The following SAMM50 variants were observed in gnomAD, a reference collection of about 807,000 sequenced individuals.
SAMM50 encodes the protein SAMM50 sorting and assembly machinery component.
A neutral mutation model predicts 66.9 loss-of-function variants in SAMM50; 47 were observed. That is an observed-to-expected ratio of 0.70 (90% CI 0.56 to 0.90). SAMM50 has a LOEUF of 0.90. SAMM50 is among the 40% of genes least tolerant of loss of function. The pLI is 0.00. For missense variants in SAMM50, 535 were observed against 595.3 expected (o/e 0.90, Z 1.05); for synonymous variants, 191 against 214.1 (o/e 0.89, Z 0.94).
At chr22:43,978,043 A>G in intron 10 of SAMM50, 85 bp downstream of exon 10, 4 of 902,298 alleles carry the variant, frequency 4.4e-6, no homozygotes, top group African/African-American at 1.6e-5. Context: ...CTGAATATCT[A>G]AAGCACAGAG....
Position 43,963,323 on chromosome 22 carries a change from G to C in SAMM50, c.59G>C (p.Gly20Ala), listed in dbSNP as rs763173401. The C allele has an allele frequency of 6.2e-7, 1 of 1,612,770 alleles. No homozygotes were observed. Among genetic ancestry groups the C allele is most frequent in the Non-Finnish European group, 8.5e-7 (1 of 1,179,742 alleles). The change falls in exon 2 of 15, where the codon GGA becomes GCA. Residue 20 changes from glycine (G) to alanine (A), a missense_variant. Coordinates refer to ENST00000350028, the MANE Select transcript of SAMM50 (RefSeq NM_015380.5). The part of the protein sequence containing the change: ...EPLPSSGPDF[G>A]GLGEEAEFVE... ...CTTCCATCAAGTGGACCTGATTTTGGAGGATTAGGAGAAGAAGCTGAATTT... is the reference window on the plus strand; with the variant it reads ...CTTCCATCAAGTGGACCTGATTTTGCAGGATTAGGAGAAGAAGCTGAATTT...
chr22:43,972,406 C>G, intron 5 of SAMM50, 64 bp downstream of exon 5: 1 of 903,672 alleles, frequency 1.1e-6, no homozygotes, highest in Non-Finnish European at 1.7e-6. Context: ...TACACTATGA[C>G]TGCATTCTAA....
At chr22:43,973,753 A>G (rs998089301) in intron 7 of SAMM50, among the ~76,000 whole-genome samples, 2 of 152,202 alleles carry the variant, frequency 1.3e-5, no homozygotes, top group East Asian at 3.9e-4. Context: ...CTCCTGCCTC[A>G]GCCTCCGTCA....
chr22:43,980,151 T>C (rs1386136310), intron 10 of SAMM50, among the ~76,000 whole-genome samples: 5 of 18,088 alleles, frequency 2.8e-4, no homozygotes, highest in Admixed American at 6.8e-4. Context: ...CATCCATCCA[T>C]CCATCCATCC....
chr22:43,992,789 C>T (rs1247809629), intron 14 of SAMM50, among the ~76,000 whole-genome samples: 1 of 152,256 alleles, frequency 6.6e-6, no homozygotes, highest in Non-Finnish European at 1.5e-5. Flanking sequence ...GCTGCTGATA[C>T]ACCCGGCGTG....
rs749122766 is a variant in SAMM50, at chr22:43,973,248, C to T, written c.573C>T (p.Asn191=). ...PGNFERNFSV[N]LYKVTGQFPW... is the part of the protein sequence containing the mutation. ...CATTGTCTCCTAGTTTCTCTGTAAA[C>T]TTATATAAAGTTACTGGACAGTTCC... The change falls in exon 7 of 15, where the codon AAC becomes AAT. Residue 191 remains asparagine (N), a synonymous_variant. Coordinates refer to ENST00000350028, the MANE Select transcript of SAMM50 (RefSeq NM_015380.5). 6.9e-6 allele frequency: 11 copies of T among 1,598,738 alleles called. No individual in the cohort carries two copies. The South Asian group carries it at 1.1e-4, about 16-fold the overall frequency.
intron 4 of SAMM50, among the ~76,000 whole-genome samples, chr22:43,969,500 G>T (rs2050192862): frequency 6.6e-6 from 1 of 152,170 alleles, no homozygotes; most frequent in African/African-American, 2.4e-5. Context: ...GCTTCGGTCA[G>T]TGGGGCTGGG....
At chr22:43,990,979 A>AT in intron 14 of SAMM50, among the ~76,000 whole-genome samples, 2 of 88,966 alleles carry the variant, frequency 2.2e-5, no homozygotes, top group South Asian at 4.2e-4. Flanking sequence ...CATTGTGTAA[A>AT]ATTTTTTTTT....
intron 1 of SAMM50, among the ~76,000 whole-genome samples, chr22:43,961,736 G>A (rs2050148038): frequency 6.6e-6 from 1 of 152,062 alleles, no homozygotes; most frequent in Non-Finnish European, 1.5e-5. Context: ...ACAGGTGTGA[G>A]TCATTGTGCC....
rs1026002801 is a variant in SAMM50 at position 43,972,868 on chromosome 22, T to C, written c.430-3T>C. On this transcript the variant is annotated splice_region_variant and splice_polypyrimidine_tract_variant and intron_variant, in intron 5 of 14. Transcript: ENST00000350028. ...CTGCTATTTTTTTTTTTTCCCCTCC[T>C]AGGTACTTGGCCTCAAGCTTCCTAA... 1.8e-5 allele frequency: 28 copies of C among 1,580,426 alleles called. No individual in the cohort carries two copies. Among genetic ancestry groups the C allele is most frequent in the Middle Eastern group, 1.7e-4 (1 of 5,994 alleles).
rs930159075 is a variant in SAMM50 at position 43,996,371 on chromosome 22, A to G, written c.1398A>G (p.Ile466Met). 9 of 1,614,094 alleles carry G rather than the reference A, an allele frequency of 5.6e-6. No individual in the cohort carries two copies. The highest frequency in any genetic ancestry group is 7.6e-6 in the Non-Finnish European group (9 of 1,179,990). ...ATGGCGTCCAGTTTGGAGCTGGGAT[A>G]AGGTTCCTGTAGCCGACACCCCTAC... ...ICDGVQFGAG[I>M]RFL Residue 466 changes from isoleucine to methionine, a missense_variant, in exon 15 of 15, where the codon ATA becomes ATG. Physicochemically the swap from Ile to Met is conservative, Grantham distance 10. Coordinates refer to ENST00000350028, the MANE Select transcript of SAMM50 (RefSeq NM_015380.5).
chr22:43,981,103 C>T (rs953738476), intron 10 of SAMM50, among the ~76,000 whole-genome samples: 1 of 152,226 alleles, frequency 6.6e-6, no homozygotes, highest in South Asian at 2.1e-4. Flanking sequence ...CGTCACTTCC[C>T]GTTGCAGAGC....
chr22:43,959,366 G>A (rs570285755), intron 1 of SAMM50, among the ~76,000 whole-genome samples: 62 of 152,170 alleles, frequency 4.1e-4, no homozygotes, highest in African/African-American at 1.4e-3. Context: ...CTTTAAAGAT[G>A]CTGTTCATAA....
intron 7 of SAMM50, chr22:43,974,835 T>C (rs1334723032): frequency 6.6e-6 from 1 of 152,230 alleles, no homozygotes; most frequent in Non-Finnish European, 1.5e-5. Flanking sequence ...CATTTCTTTC[T>C]AAGCCTTTTT....
chr22:43,963,917 A>ATTTTTTTATTTTTTT (rs2050160075), intron 2 of SAMM50, among the ~76,000 whole-genome samples: 1 of 150,120 alleles, frequency 6.7e-6, no homozygotes, highest in African/African-American at 2.5e-5. Flanking sequence ...TATTTTTAAA[A>ATTTTTTTATTTTTTT]TTTTTTTTGA....
chr22:43,975,755 G>A (rs564963497), intron 7 of SAMM50: 43 of 279,002 alleles, frequency 1.5e-4, no homozygotes, highest in African/African-American at 7.6e-4. Context: ...AGCACCTGTC[G>A]ATGATAGAGC....
chr22:43,962,699 G>C (rs1043091611), intron 1 of SAMM50, among the ~76,000 whole-genome samples: 4 of 152,070 alleles, frequency 2.6e-5, no homozygotes, highest in Non-Finnish European at 5.9e-5. Flanking sequence ...AAATTAGGAT[G>C]CTTTCTGTAA....
At chr22:43,984,076 C>T (rs2050278850) in intron 12 of SAMM50, 76 bp downstream of exon 12, 2 of 1,262,980 alleles carry the variant, frequency 1.6e-6, no homozygotes, top group Admixed American at 2.1e-5. Context: ...CTGTTATTAG[C>T]TTACAGCGAT....
chr22:43,968,488 G>A (rs1302169815), intron 3 of SAMM50, among the ~76,000 whole-genome samples: 2 of 152,162 alleles, frequency 1.3e-5, no homozygotes, highest in South Asian at 2.1e-4. Context: ...TTGTTTATAC[G>A]AAGGGGATTA....
Sources: gnomAD v4.1 joint callset for allele counts (sites outside exome capture counted in the v4.1 genomes callset) on GRCh38, gnomAD v4.1.1 for gene constraint, MANE v1.5 for transcripts, NCBI Gene and HGNC (gene_info 2026-07-23, HGNC 2026-07-21) for gene names.